The following USP37 variants were observed in gnomAD, a reference collection of about 807,000 sequenced individuals.
USP37 encodes the protein ubiquitin specific peptidase 37.
USP37 carries 27 observed loss-of-function variants against 124.0 expected under a neutral mutation model. The observed-to-expected ratio is 0.22, with a 90% CI of 0.16 to 0.30. USP37 has a LOEUF of 0.30. USP37 is among the 10% of genes least tolerant of loss of function. The pLI, the probability that USP37 is intolerant of heterozygous loss-of-function variation, is 1.00. For missense variants in USP37, 889 were observed against 1,140.4 expected, an observed-to-expected ratio of 0.78 and a Z score of 3.17; for synonymous variants, 365 against 388.0, an observed-to-expected ratio of 0.94 and a Z score of 0.70.
At chr2:218,527,551 T>C (rs1317724866) in intron 10 of USP37, among the ~76,000 whole-genome samples, 2 of 152,338 alleles carry the variant, frequency 1.3e-5, no homozygotes, top group East Asian at 3.9e-4. Context: ...TCTGGAAATT[T>C]TCACCTTATC....
chr2:218,526,666 A>G (rs1234717384), intron 10 of USP37, among the ~76,000 whole-genome samples: 4 of 150,330 alleles, frequency 2.7e-5, no homozygotes, highest in Non-Finnish European at 5.9e-5. Flanking sequence ...CACCATTTTC[A>G]TTTATTACTT....
At chr2:218,533,866 A>G (rs1033711823) in intron 9 of USP37, among the ~76,000 whole-genome samples, 5 of 152,246 alleles carry the variant, frequency 3.3e-5, no homozygotes, top group Non-Finnish European at 7.3e-5. Flanking sequence ...CAGATACGTT[A>G]AGTGTGGGAA....
intron 3 of USP37, 74 bp from the exon 4 acceptor site, chr2:218,558,751 C>T: frequency 8.8e-7 from 1 of 1,141,274 alleles, no homozygotes; most frequent in East Asian, 2.4e-5. Flanking sequence ...TTATAACTTA[C>T]TAGTAATTAA....
intron 10 of USP37, among the ~76,000 whole-genome samples, chr2:218,527,316 C>T (rs549243352): frequency 6.6e-6 from 1 of 152,300 alleles, no homozygotes; most frequent in Non-Finnish European, 1.5e-5. Context: ...GTTCCAACCC[C>T]AAGCACTTAT....
At chr2:218,503,812 G>A (rs1689525212) in intron 11 of USP37, among the ~76,000 whole-genome samples, 1 of 151,902 alleles carries the variant, frequency 6.6e-6, no homozygotes, top group South Asian at 2.1e-4. Flanking sequence ...TGAACACAAA[G>A]GAAAGAAAGA....
chr2:218,462,950 T>C (rs932812773), intron 22 of USP37, among the ~76,000 whole-genome samples: 1 of 152,056 alleles, frequency 6.6e-6, no homozygotes, highest in Non-Finnish European at 1.5e-5. Flanking sequence ...GTGGATCACT[T>C]GAAGCCAGGA....
At chr2:218,511,800 CTTT>C (rs11355129) in intron 10 of USP37, among the ~76,000 whole-genome samples, 11 of 142,982 alleles carry the variant, frequency 7.7e-5, no homozygotes, top group African/African-American at 1.5e-4. Context: ...TTTTTCTTTT[CTTT>C]TTTTTTTTTT....
chr2:218,537,217 C>G (rs1055651167), intron 8 of USP37, among the ~76,000 whole-genome samples: 2 of 152,256 alleles, frequency 1.3e-5, no homozygotes, highest in South Asian at 4.1e-4. Context: ...TTTCTTCATC[C>G]CTTAATGGGG....
chr2:218,509,091 C>T (rs1011062211), intron 11 of USP37, among the ~76,000 whole-genome samples: 1 of 152,192 alleles, frequency 6.6e-6, no homozygotes, highest in East Asian at 1.9e-4. Flanking sequence ...GTATAACGAT[C>T]TTCACTCTAG....
At chr2:218,480,127 C>T (rs1029658729) in intron 17 of USP37, among the ~76,000 whole-genome samples, 5 of 148,528 alleles carry the variant, frequency 3.4e-5, no homozygotes, top group African/African-American at 1.2e-4. Context: ...GCTTGGGCAA[C>T]GGAGTGAGAC....
At chr2:218,455,528 A>AAGC in intron 25 of USP37, 52 bp downstream of exon 25, 1 of 1,178,196 alleles carries the variant, frequency 8.5e-7, no homozygotes, top group South Asian at 1.6e-5. Flanking sequence ...AAAAAAAAAA[A>AAGC]GAGTTCCGGT....
intron 22 of USP37, 72 bp downstream of exon 22, chr2:218,463,214 ACACACACACACACACACTTT>A: frequency 1.7e-6 from 1 of 601,150 alleles, no homozygotes; most frequent in South Asian, 1.7e-5. Flanking sequence ...ACACACACAC[ACACACACACACACACACTTT>A]CTTTATATGT....
chr2:218,482,326 T>C, intron 16 of USP37, 92 bp from the exon 17 acceptor site: 2 of 1,360,304 alleles, frequency 1.5e-6, no homozygotes, highest in African/African-American at 1.5e-5. Context: ...TAGACGACTT[T>C]TGATTTAAAA....
At position 218,549,873 on chromosome 2, in the gene USP37, G is replaced by T. The variant is rs764925326; in HGVS notation, c.365C>A (p.Ala122Asp). ...KPSQGSGSFG[A>D]ILGSRTSQKE... The stretch of plus-strand genomic sequence containing the variant: ...CTGTGAGGTCCTGCTGCCCAGAATG[G>T]CTCCAAAACTACCAGACCCCTGAGA... Residue 122 changes from alanine (A) to aspartate (D), a missense_variant, in exon 6 of 26, where the codon GCC becomes GAC. This residue lies in a region of USP37 where 374 missense variants were observed against 386.0 expected (regional missense o/e 0.97). Coordinates refer to ENST00000258399, the MANE Select transcript of USP37 (RefSeq NM_020935.3). 3.1e-6 allele frequency: 5 copies of T among 1,612,354 alleles called. No homozygotes were observed. In the Admixed American group the frequency reaches 8.4e-5, roughly 27 times the overall value.
At chr2:218,477,903 G>A in intron 18 of USP37, among the ~76,000 whole-genome samples, 1 of 152,138 alleles carries the variant, frequency 6.6e-6, no homozygotes, top group South Asian at 2.1e-4. Context: ...ATCCTTTAAT[G>A]ATGCCAGATA....
At chr2:218,496,003 G>C in intron 13 of USP37, 53 bp from the exon 14 acceptor site, 15 of 1,529,630 alleles carry the variant, frequency 9.8e-6, no homozygotes, top group Non-Finnish European at 1.2e-5. Flanking sequence ...TGTCACAATA[G>C]CTTACTGAGG....
chr2:218,456,857 C>T (rs1689725646), intron 24 of USP37, among the ~76,000 whole-genome samples: 1 of 151,910 alleles, frequency 6.6e-6, no homozygotes. Flanking sequence ...GTAATCCCAG[C>T]TACTTGGGAG....
At chr2:218,544,846 A>G (rs1041222305) in intron 8 of USP37, among the ~76,000 whole-genome samples, 3 of 152,084 alleles carry the variant, frequency 2.0e-5, no homozygotes, top group East Asian at 3.9e-4. Context: ...TTCTGTTCCT[A>G]CTCCAGCAAT....
chr2:218,489,587 T>C (rs1020440365), intron 14 of USP37, among the ~76,000 whole-genome samples: 5 of 151,772 alleles, frequency 3.3e-5, no homozygotes, highest in African/African-American at 7.3e-5. Context: ...TTTCAAGCAA[T>C]TGCTACCTCA....
Sources: gnomAD v4.1 joint callset for allele counts (sites outside exome capture counted in the v4.1 genomes callset) on GRCh38, gnomAD v4.1.1 for gene constraint, gnomAD v4.1.1 regional missense constraint, MANE v1.5 for transcripts, NCBI Gene and HGNC (gene_info 2026-07-23, HGNC 2026-07-21) for gene names.